PEDS1: variants seen among roughly 807,000 people sequenced by gnomAD.
PEDS1 encodes CarF homolog.
In PEDS1, 14 loss-of-function variants were observed where a neutral mutation model predicts 35.2. That is an observed-to-expected ratio of 0.40 (90% CI 0.26 to 0.62). PEDS1 has a LOEUF of 0.62. Ranked by LOEUF, PEDS1 falls within the 20% of genes least tolerant of loss-of-function variation. The pLI is 0.44. For missense variants in PEDS1, 260 were observed against 367.8 expected, an observed-to-expected ratio of 0.71 and a Z score of 2.40; for synonymous variants, 152 against 152.0, an observed-to-expected ratio of 1.00 and a Z score of 0.00.
intron 1 of PEDS1, among the ~76,000 whole-genome samples, chr20:50,149,227 A>T (rs888470386): frequency 6.6e-6 from 1 of 152,140 alleles, no homozygotes; most frequent in African/African-American, 2.4e-5. Flanking sequence ...CTTTGGGAGT[A>T]CAGGCCAGGA....
intron 2 of PEDS1, among the ~76,000 whole-genome samples, chr20:50,136,861 AC>A (rs1601220287): frequency 2.0e-5 from 3 of 152,096 alleles, no homozygotes; most frequent in African/African-American, 7.2e-5. Flanking sequence ...ACACAGCGAA[AC>A]CCTGTCTGTA....
chr20:50,125,193 G>A lies in PEDS1; in HGVS notation c.692-14C>T, dbSNP rs367616976. 4.7e-5 allele frequency: 75 copies of A among 1,612,892 alleles called. No individual in the cohort carries two copies. The highest frequency in any genetic ancestry group is 5.7e-5 in the Non-Finnish European group (67 of 1,179,222). On this transcript the variant is annotated splice_polypyrimidine_tract_variant and intron_variant, in intron 5 of 5. Transcript: ENST00000371652. ...AGTTGAGCCAGCCTGCAGTAGAAAT[G>A]GCAGCGGGAGTTTGAATGGGAGAGA...
chr20:50,127,609 G>T (rs2081123161), intron 5 of PEDS1, among the ~76,000 whole-genome samples: 1 of 152,184 alleles, frequency 6.6e-6, no homozygotes, highest in South Asian at 2.1e-4. Flanking sequence ...GCCTCCCAAA[G>T]TGCTGGGATT....
At chr20:50,151,003 T>G (rs2081397293) in intron 1 of PEDS1, among the ~76,000 whole-genome samples, 1 of 152,086 alleles carries the variant, frequency 6.6e-6, no homozygotes, top group South Asian at 2.1e-4. Context: ...GCCAGCTCCA[T>G]TTTTTTCTGT....
In PEDS1 at chr20:50,128,278, C is replaced by T. The variant is rs770253572; in HGVS notation, c.479-91G>A. 90 of 1,494,576 alleles carry T rather than the reference C, an allele frequency of 6.0e-5. No individual in the cohort carries two copies. Among genetic ancestry groups the T allele is most frequent in the Non-Finnish European group, 8.0e-5 (88 of 1,104,182 alleles). The allele number at this position is 1,494,576 out of a possible 1,614,324, so 92.6% of individuals were successfully genotyped here. ...GCCCTCACCACCTGCTCCTGGGCGG[C>T]TCCTGAGCTGGGCAAGCACCCAGGA... On this transcript the variant is annotated intron_variant, in intron 4 of 5. Coordinates refer to ENST00000371652, the MANE Select transcript of PEDS1 (RefSeq NM_199129.4). This position sits in a 1 kb window ranked among gnomAD's most constrained non-coding sequence, Gnocchi z 5.2.
chr20:50,143,389 A>T, intron 2 of PEDS1, 113 bp downstream of exon 2: 1 of 1,494,236 alleles, frequency 6.7e-7, no homozygotes, highest in Non-Finnish European at 9.0e-7. Context: ...CAAGGCACAT[A>T]CTGGACTCAA....
intron 5 of PEDS1, among the ~76,000 whole-genome samples, chr20:50,126,803 G>A (rs910652461): frequency 5.3e-5 from 8 of 152,198 alleles, no homozygotes; most frequent in South Asian, 2.1e-4. Flanking sequence ...AGCATGGCAC[G>A]TGGGCCTCCT....
At chr20:50,136,173 C>T (rs6122880) in intron 2 of PEDS1, among the ~76,000 whole-genome samples, 45,030 of 152,136 alleles carry the variant, frequency 0.3, 6,771 homozygotes, top group Middle Eastern at 0.4. Flanking sequence ...TGTTTTATCT[C>T]CTTTAATCCC....
intron 1 of PEDS1, among the ~76,000 whole-genome samples, chr20:50,152,881 T>G (rs889109013): frequency 6.6e-6 from 1 of 150,872 alleles, no homozygotes; most frequent in African/African-American, 2.5e-5. Flanking sequence ...GATATCGGTC[T>G]GTAGCCACTG....
At chr20:50,147,656 G>A (rs574467544) in intron 1 of PEDS1, among the ~76,000 whole-genome samples, 18 of 152,254 alleles carry the variant, frequency 1.2e-4, no homozygotes, top group African/African-American at 3.9e-4. Context: ...CATGGAGAAC[G>A]TCCTCCAAAT....
In PEDS1 at chr20:50,123,780, CATTT is replaced by C. The variant is rs1239921233; in HGVS notation, c.*1274_*1277del. The C allele has an allele frequency of 6.6e-6, 1 of 152,216 alleles. No homozygotes were observed. Among genetic ancestry groups the C allele is most frequent in the Non-Finnish European group, 1.5e-5 (1 of 68,092 alleles). The allele number at this position is 152,216 out of a possible 1,614,324, so 9.4% of individuals were successfully genotyped here. A position where few individuals can be genotyped will look rare whatever the true frequency, so the allele number is the denominator to read the frequency against. Reference sequence around the variant, plus strand: ...AAATCACCACCTGAATTTCCATGTGCATTTATTTGTTTATTGACTCTTTTCCCAG... The same window carrying C: ...AAATCACCACCTGAATTTCCATGTGCATTTGTTTATTGACTCTTTTCCCAG... On this transcript the variant is annotated 3_prime_UTR_variant, in exon 6 of 6. Transcript: ENST00000371652.
At chr20:50,131,639 G>A (rs2081181503) in intron 2 of PEDS1, among the ~76,000 whole-genome samples, 1 of 151,456 alleles carries the variant, frequency 6.6e-6, no homozygotes, top group Non-Finnish European at 1.5e-5. Flanking sequence ...AAAAAAGAAA[G>A]TACCTTACCT....
At chr20:50,144,718 C>T (rs945505300) in intron 1 of PEDS1, among the ~76,000 whole-genome samples, 8 of 152,146 alleles carry the variant, frequency 5.3e-5, no homozygotes, top group African/African-American at 1.9e-4. Flanking sequence ...CAGGAAAACA[C>T]CTGGGCAGTT....
intron 1 of PEDS1, among the ~76,000 whole-genome samples, chr20:50,147,774 G>T (rs1312416795): frequency 6.6e-6 from 1 of 152,188 alleles, no homozygotes; most frequent in Non-Finnish European, 1.5e-5. Flanking sequence ...ATACACAATG[G>T]CCGGGTGTGG....
In PEDS1 at chr20:50,148,942, C is replaced by T. The variant is rs889842988; in HGVS notation, c.121+4575G>A. On this transcript the variant is annotated intron_variant, in intron 1 of 5. Transcript: ENST00000371652. The stretch of plus-strand genomic sequence containing the variant: ...CCTGGGCAACATAACTAGATCCTGC[C>T]TCTACAAAAATAAAAATAAAAATTA... Among the ~76,000 whole-genome samples, 7 of 152,064 alleles carry T rather than the reference C, an allele frequency of 4.6e-5. No homozygotes were observed. The South Asian group carries it at 1.5e-3, about 32-fold the overall frequency.
chr20:50,130,785 G>A, intron 3 of PEDS1, 71 bp downstream of exon 3: 1 of 1,577,454 alleles, frequency 6.3e-7, no homozygotes, highest in Middle Eastern at 2.2e-4. Flanking sequence ...TCTTAGAGAA[G>A]AAAGGGGACT....
intron 5 of PEDS1, among the ~76,000 whole-genome samples, 180 bp from the exon 6 acceptor site, chr20:50,125,359 C>T (rs1569039781): frequency 6.6e-6 from 1 of 152,182 alleles, no homozygotes; most frequent in Non-Finnish European, 1.5e-5. Flanking sequence ...CCTGGGGCCA[C>T]TCAGGCCTCC....
intron 1 of PEDS1, among the ~76,000 whole-genome samples, chr20:50,147,237 T>C (rs2081355570): frequency 6.6e-6 from 1 of 152,174 alleles, no homozygotes; most frequent in South Asian, 2.1e-4. Flanking sequence ...TTTTAAAAAG[T>C]GAGCTAAATT....
chr20:50,142,385 CAAAT>C (rs1206073885), intron 2 of PEDS1, among the ~76,000 whole-genome samples: 1 of 152,100 alleles, frequency 6.6e-6, no homozygotes, highest in Admixed American at 6.5e-5. Context: ...AGATGATAAA[CAAAT>C]AAAGACACTG....
Sources: gnomAD v4.1 joint callset for allele counts (sites outside exome capture counted in the v4.1 genomes callset) on GRCh38, gnomAD v4.1.1 for gene constraint, Gnocchi (gnomAD v3.1) non-coding constraint, MANE v1.5 for transcripts, NCBI Gene and HGNC (gene_info 2026-07-23, HGNC 2026-07-21) for gene names.